GLI3: variants seen among roughly 807,000 people sequenced by gnomAD.
GLI3 encodes the protein GLI family zinc finger 3, also known as transcription activator GLI3.
GLI3 carries 20 observed loss-of-function variants against 100.8 expected under a neutral mutation model. That is an observed-to-expected ratio of 0.20 (90% confidence interval 0.14 to 0.29). GLI3 has a LOEUF of 0.29. Among genes scored for constraint, GLI3 ranks in the 10% least tolerant of loss-of-function variants. GLI3 has a pLI of 1.00. For missense variants in GLI3, 2,040 were observed against 2,128.5 expected, an observed-to-expected ratio of 0.96 and a Z score of 0.82; for synonymous variants, 938 against 860.5, an observed-to-expected ratio of 1.09 and a Z score of -1.58.
chr7:42,004,182 C>T (rs1788386864), intron 10 of GLI3, among the ~76,000 whole-genome samples: 1 of 152,044 alleles, frequency 6.6e-6, no homozygotes, highest in Non-Finnish European at 1.5e-5. Flanking sequence ...AGGTTGAACC[C>T]CAAAGGCATT....
intron 7 of GLI3, among the ~76,000 whole-genome samples, chr7:42,028,840 C>A (rs948731226): frequency 3.3e-5 from 5 of 151,578 alleles, no homozygotes; most frequent in Non-Finnish European, 7.4e-5. Context: ...GATATCCTTA[C>A]AAAAGATAAG....
At chr7:42,138,597 A>G (rs1193378026) in intron 3 of GLI3, among the ~76,000 whole-genome samples, 1 of 152,192 alleles carries the variant, frequency 6.6e-6, no homozygotes, top group Non-Finnish European at 1.5e-5. Context: ...AATTTCTTAC[A>G]AAGAGGAGAC....
intron 3 of GLI3, among the ~76,000 whole-genome samples, chr7:42,078,443 A>G (rs1160998691): frequency 6.6e-6 from 1 of 152,244 alleles, no homozygotes; most frequent in African/African-American, 2.4e-5. Context: ...TAGCATTCAT[A>G]GAAGCTCTGT....
intron 2 of GLI3, among the ~76,000 whole-genome samples, chr7:42,210,082 GCCTCT>G (rs933246050): frequency 4.0e-5 from 6 of 149,780 alleles, no homozygotes; most frequent in African/African-American, 9.8e-5. Context: ...ATTCTCAGAT[GCCTCT>G]CCATCAAGGT....
intron 2 of GLI3, among the ~76,000 whole-genome samples, chr7:42,222,030 C>A (rs956029936): frequency 6.6e-6 from 1 of 152,138 alleles, no homozygotes; most frequent in South Asian, 2.1e-4. Context: ...CTCATGAAAC[C>A]GGGTGAAGAA....
intron 10 of GLI3, among the ~76,000 whole-genome samples, chr7:41,999,912 A>C (rs1415466286): frequency 2.6e-5 from 4 of 152,218 alleles, no homozygotes. Flanking sequence ...TCAGACCAGC[A>C]GGGGAACTGA....
At chr7:42,086,264 G>A (rs962411267) in intron 3 of GLI3, among the ~76,000 whole-genome samples, 1 of 152,128 alleles carries the variant, frequency 6.6e-6, no homozygotes, top group African/African-American at 2.4e-5. Context: ...TCTTATGGAT[G>A]GGGAAACTGA....
intron 1 of GLI3, among the ~76,000 whole-genome samples, chr7:42,252,897 C>A (rs547694596): frequency 6.6e-6 from 1 of 152,110 alleles, no homozygotes; most frequent in African/African-American, 2.4e-5. Flanking sequence ...ACCAGAGAGA[C>A]AGGTAATAAA....
At chr7:42,016,072 G>A (rs1788752046) in intron 10 of GLI3, among the ~76,000 whole-genome samples, 2 of 152,046 alleles carry the variant, frequency 1.3e-5, no homozygotes, top group Admixed American at 1.3e-4. Context: ...CATCTCATGG[G>A]GAGAGGCCTG....
chr7:42,249,011 G>A (rs1789003681), intron 1 of GLI3, among the ~76,000 whole-genome samples: 1 of 152,202 alleles, frequency 6.6e-6, no homozygotes, highest in Middle Eastern at 3.4e-3. Context: ...CAAAGTGGCT[G>A]GGATTGATTA....
chr7:41,976,239 T>C (rs1787510509), intron 12 of GLI3, among the ~76,000 whole-genome samples: 1 of 152,216 alleles, frequency 6.6e-6, no homozygotes, highest in African/African-American at 2.4e-5. Context: ...AAAGCATTTT[T>C]ACATTAAAAA....
chr7:42,032,518 A>C (rs942927296), intron 7 of GLI3, among the ~76,000 whole-genome samples: 1 of 152,208 alleles, frequency 6.6e-6, no homozygotes, highest in Non-Finnish European at 1.5e-5. Context: ...ACATATAGGC[A>C]CTTCAAAGTC....
rs1332114979 is a variant in GLI3, at chr7:41,963,906, G to C, written c.*424C>G. ...ATGTAAAGGAGAATTTTAAAAGCTG[G>C]AAGTGTAACCCCTTGGTCACAAGCA... On this transcript the variant is annotated 3_prime_UTR_variant, in exon 15 of 15. Transcript: ENST00000395925. 4 of 166,810 alleles carry C rather than the reference G, an allele frequency of 2.4e-5. No individual in the cohort carries two copies. The highest frequency in any genetic ancestry group is 2.2e-4 in the Admixed American group (4 of 17,816). 10.3% of individuals were successfully genotyped at this position (166,810 alleles called of 1,614,324 possible). A position where few individuals can be genotyped will look rare whatever the true frequency, so the allele number is the denominator to read the frequency against.
At chr7:42,072,887 A>G (rs928285370) in intron 4 of GLI3, among the ~76,000 whole-genome samples, 2 of 152,158 alleles carry the variant, frequency 1.3e-5, no homozygotes, top group Non-Finnish European at 2.9e-5. Context: ...CTAGCTTAAC[A>G]AGTCTCTCAA....
chr7:42,076,630 T>C (rs1784883623), intron 4 of GLI3, 122 bp downstream of exon 4: 2 of 729,568 alleles, frequency 2.7e-6, no homozygotes, highest in Non-Finnish European at 5.0e-6. Context: ...ATTTCAAAAG[T>C]AAATCTTACA....
intron 2 of GLI3, among the ~76,000 whole-genome samples, chr7:42,185,976 C>A (rs1023853110): frequency 2.4e-4 from 36 of 152,198 alleles, no homozygotes; most frequent in Non-Finnish European, 1.0e-4. Flanking sequence ...CAGCTAAGAA[C>A]TTAGCCTCAC....
At chr7:42,165,263 G>C (rs1398825265) in intron 2 of GLI3, among the ~76,000 whole-genome samples, 1 of 151,934 alleles carries the variant, frequency 6.6e-6, no homozygotes, top group South Asian at 2.1e-4. Flanking sequence ...CAAATCTTTG[G>C]CATTATAGTG....
chr7:42,252,882 T>G (rs1789048333), intron 1 of GLI3, among the ~76,000 whole-genome samples: 1 of 152,144 alleles, frequency 6.6e-6, no homozygotes, highest in Non-Finnish European at 1.5e-5. Flanking sequence ...CAATGAGAAA[T>G]TTCAACCAGA....
intron 3 of GLI3, chr7:42,113,341 C>A: frequency 1.6e-6 from 1 of 639,558 alleles, no homozygotes; most frequent in East Asian, 3.3e-5. Context: ...CCAGCACCTA[C>A]GTCCCGTCGC....
Sources: gnomAD v4.1 joint callset for allele counts (sites outside exome capture counted in the v4.1 genomes callset) on GRCh38, gnomAD v4.1.1 for gene constraint, MANE v1.5 for transcripts, NCBI Gene and HGNC (gene_info 2026-07-23, HGNC 2026-07-21) for gene names.